Variants in ICA1 observed in about 807,000 individuals in gnomAD.
ICA1 encodes islet cell autoantigen 1.
In ICA1, 40 loss-of-function variants were observed where a neutral mutation model predicts 71.0. The ratio of observed to expected loss-of-function variants is 0.56; its 90% CI spans 0.44 to 0.73. The LOEUF (loss-of-function observed/expected upper bound fraction) is 0.73. Ranked by LOEUF, ICA1 falls within the 30% of genes least tolerant of loss-of-function variation. The probability of loss-of-function intolerance (pLI) is 0.00; values close to 1 mark genes in which losing one functional copy is unlikely to be tolerated. For missense variants in ICA1, 578 were observed against 576.5 expected (o/e 1.00, Z -0.03); for synonymous variants, 207 against 209.5 (o/e 0.99, Z 0.10).
chr7:8,114,094 C>CT lies in ICA1; in HGVS notation c.1331-51dup, dbSNP rs755873148. ...GCAAACGCACCTTCCAAATGTCCAC[C>CT]TCTGCCATGCGGGATGCAGGCAGGT... On this transcript the variant is annotated intron_variant, in intron 13 of 13. Coordinates refer to ENST00000402384, the MANE Select transcript of ICA1 (RefSeq NM_001136020.3). The CT allele has an allele frequency of 3.7e-6, 6 of 1,611,008 alleles. No individual in the cohort carries two copies. In the South Asian group the frequency reaches 5.5e-5, roughly 15 times the overall value.
chr7:8,196,094 A>T (rs867474768), intron 6 of ICA1, among the ~76,000 whole-genome samples: 3 of 152,216 alleles, frequency 2.0e-5, no homozygotes, highest in African/African-American at 7.2e-5. Flanking sequence ...AGTTGCCAAA[A>T]AGTGGAAGCA....
chr7:8,173,164 C>T lies in ICA1; in HGVS notation c.580-14512G>A, dbSNP rs1381698574. On this transcript the variant is annotated intron_variant, in intron 6 of 13. Transcript: ENST00000402384. The surrounding 1 kb of genome is among the most constrained non-coding windows in gnomAD (Gnocchi z 4.0). ...TCACGGCCTCTGACTATCATGTCCC[C>T]TCTCTAAGTAACCAGGGCTCCTTGA... 1.3e-5 allele frequency among the ~76,000 whole-genome samples: 2 copies of T among 152,170 alleles called. No homozygotes were observed. The highest frequency in any genetic ancestry group is 2.9e-5 in the Non-Finnish European group (2 of 68,024).
intron 9 of ICA1, among the ~76,000 whole-genome samples, chr7:8,143,382 G>C (rs1405798313): frequency 6.6e-6 from 1 of 152,160 alleles, no homozygotes; most frequent in Non-Finnish European, 1.5e-5. Flanking sequence ...ATTCTGCATG[G>C]TAGAAAACAC....
chr7:8,238,289 A>G (rs1478308311), intron 1 of ICA1, among the ~76,000 whole-genome samples: 1 of 152,146 alleles, frequency 6.6e-6, no homozygotes, highest in Non-Finnish European at 1.5e-5. Flanking sequence ...CTTTCTCCAC[A>G]TCCTTGTTAA....
At chr7:8,171,485 CCTT>C (rs1411780097) in intron 6 of ICA1, among the ~76,000 whole-genome samples, 1 of 151,840 alleles carries the variant, frequency 6.6e-6, no homozygotes, top group Non-Finnish European at 1.5e-5. Context: ...GTAATGTCCT[CCTT>C]AATTCTAAGT....
intron 1 of ICA1, among the ~76,000 whole-genome samples, chr7:8,260,306 C>T (rs1371246801): frequency 6.6e-6 from 1 of 152,054 alleles, no homozygotes; most frequent in Non-Finnish European, 1.5e-5. Context: ...CTATACTTTT[C>T]GTGAGATTGA....
chr7:8,201,958 A>C (rs562987819), intron 6 of ICA1, among the ~76,000 whole-genome samples: 3 of 152,204 alleles, frequency 2.0e-5, no homozygotes, highest in African/African-American at 7.2e-5. Context: ...TAAGCAAGAA[A>C]CCGGGGGACA....
intron 1 of ICA1, among the ~76,000 whole-genome samples, chr7:8,250,966 T>C (rs1344925719): frequency 8.9e-6 from 1 of 112,906 alleles, no homozygotes; most frequent in African/African-American, 5.8e-5. Context: ...AATTGTGACA[T>C]TACAGCTCAT....
intron 4 of ICA1, chr7:8,227,579 AT>A (rs1798990399): frequency 5.5e-6 from 2 of 366,546 alleles, no homozygotes; most frequent in South Asian, 2.1e-5. Context: ...ACATACAATG[AT>A]TTTGGACTTT....
At chr7:8,233,856 C>T (rs558917263) in intron 2 of ICA1, among the ~76,000 whole-genome samples, 21 of 152,178 alleles carry the variant, frequency 1.4e-4, no homozygotes, top group African/African-American at 4.8e-4. Context: ...CATATAAATG[C>T]TTAAAATATA....
At chr7:8,228,707 A>G in intron 3 of ICA1, 34 bp from the exon 4 acceptor site, 2 of 1,418,838 alleles carry the variant, frequency 1.4e-6, no homozygotes, top group Non-Finnish European at 2.0e-6. Context: ...TGCAAAATAA[A>G]ACAGACAGTG....
chr7:8,151,957 G>C (rs910804513), intron 8 of ICA1, among the ~76,000 whole-genome samples: 2 of 152,152 alleles, frequency 1.3e-5, no homozygotes, highest in Admixed American at 6.5e-5. Context: ...TTTCCTTAGC[G>C]TTAAAATCTT....
rs117071681 is a variant in ICA1, at chr7:8,199,127, C to G, written c.579+19178G>C. On this transcript the variant is annotated intron_variant, in intron 6 of 13. Coordinates refer to ENST00000402384, the MANE Select transcript of ICA1 (RefSeq NM_001136020.3). ...GGCAAGGATGTGGAGAAAAGGGGAACCCTGATAAATCAGTACAACCATTGT... is the reference window on the plus strand; with the variant it reads ...GGCAAGGATGTGGAGAAAAGGGGAAGCCTGATAAATCAGTACAACCATTGT... Among the ~76,000 whole-genome samples, 50 of 152,278 alleles carry G rather than the reference C, an allele frequency of 3.3e-4. No individual in the cohort carries two copies. The East Asian group carries it at 9.1e-3, about 28-fold the overall frequency.
At chr7:8,251,136 CTT>C (rs1808035709) in intron 1 of ICA1, among the ~76,000 whole-genome samples, 1 of 152,078 alleles carries the variant, frequency 6.6e-6, no homozygotes, top group Non-Finnish European at 1.5e-5. Flanking sequence ...GATCCACCAG[CTT>C]TGGACTCCCC....
intron 6 of ICA1, among the ~76,000 whole-genome samples, chr7:8,209,412 T>TA (rs774761467): frequency 5.0e-4 from 76 of 152,226 alleles, no homozygotes; most frequent in Non-Finnish European, 1.1e-3. Context: ...GTATAGATGG[T>TA]ATCTTCTAGG....
intron 1 of ICA1, among the ~76,000 whole-genome samples, chr7:8,253,640 A>G (rs1808982857): frequency 6.6e-6 from 1 of 152,036 alleles, no homozygotes; most frequent in Non-Finnish European, 1.5e-5. Context: ...ATTTAAGTAC[A>G]TTTTTTGCTT....
chr7:8,155,740 A>G (rs1255103309), intron 8 of ICA1, among the ~76,000 whole-genome samples: 1 of 152,192 alleles, frequency 6.6e-6, no homozygotes, highest in East Asian at 1.9e-4. Flanking sequence ...TCAGGCCTGT[A>G]TAAGAATTGT....
chr7:8,214,618 C>T (rs3807820), intron 6 of ICA1, among the ~76,000 whole-genome samples: 49,750 of 152,114 alleles, frequency 0.33, 8,301 homozygotes, highest in African/African-American at 0.41. Context: ...GCTGGACTCA[C>T]GCTTTCCCAC....
At position 8,228,583 on chromosome 7, in the gene ICA1, T is replaced by C; in HGVS notation, c.256+18A>G. On this transcript the variant is annotated intron_variant, in intron 4 of 13. Transcript: ENST00000402384. Reference sequence around the variant, plus strand: ...TTTCTTACTATTTGATCAATATTCATACTGATGTCATACTTACAACATATC... The same window carrying C: ...TTTCTTACTATTTGATCAATATTCACACTGATGTCATACTTACAACATATC... 3.4e-6 allele frequency: 5 copies of C among 1,481,144 alleles called. No individual in the cohort carries two copies. Among genetic ancestry groups the C allele is most frequent in the East Asian group, 2.3e-5 (1 of 43,310 alleles). 91.8% of individuals were successfully genotyped at this position (1,481,144 alleles called of 1,614,324 possible). A position where few individuals can be genotyped will look rare whatever the true frequency, so the allele number is the denominator to read the frequency against.
Sources: allele counts gnomAD v4.1 joint callset (sites outside exome capture counted in the v4.1 genomes callset), GRCh38; gene constraint gnomAD v4.1.1; non-coding constraint Gnocchi (gnomAD v3.1); transcripts MANE v1.5; gene names NCBI Gene and HGNC (gene_info 2026-07-23, HGNC 2026-07-21).